The following AGBL1 variants were observed in gnomAD, a reference collection of about 807,000 sequenced individuals.
The protein encoded by AGBL1 is AGBL carboxypeptidase 1, also known as cytosolic carboxypeptidase 4.
Under a neutral mutation model 118.9 loss-of-function variants are expected in AGBL1, and 130 were observed. That is an observed-to-expected ratio of 1.09 (90% confidence interval 0.95 to 1.26). The LOEUF is 1.26. Ranked by LOEUF, AGBL1 falls within the 50% of genes most tolerant of loss-of-function variation. The pLI, the probability that AGBL1 is intolerant of heterozygous loss-of-function variation, is 0.00. For synonymous variants in AGBL1, 555 were observed against 478.9 expected (o/e 1.16, Z -2.08); for missense variants, 1,584 against 1,298.1 (o/e 1.22, Z -3.38).
At chr15:86,485,194 T>C (rs557935541) in intron 18 of AGBL1, among the ~76,000 whole-genome samples, 1 of 152,274 alleles carries the variant, frequency 6.6e-6, no homozygotes, top group South Asian at 2.1e-4. Context: ...TACCTGGAGT[T>C]TGTTAGAAAT....
intron 22 of AGBL1, among the ~76,000 whole-genome samples, chr15:86,874,595 T>C (rs767212931): frequency 3.3e-5 from 5 of 152,122 alleles, no homozygotes; most frequent in Non-Finnish European, 7.4e-5. Context: ...CAGCTGCTAG[T>C]TGAGCACCAG....
At chr15:86,791,483 C>T (rs571816496) in intron 22 of AGBL1, among the ~76,000 whole-genome samples, 1 of 152,036 alleles carries the variant, frequency 6.6e-6, no homozygotes, top group Non-Finnish European at 1.5e-5. Context: ...GGAAAGCTGG[C>T]CACAATGGCC....
At chr15:86,761,681 C>T (rs371889301) in intron 22 of AGBL1, among the ~76,000 whole-genome samples, 2 of 151,872 alleles carry the variant, frequency 1.3e-5, no homozygotes, top group African/African-American at 4.8e-5. Context: ...GGGGTTGTTT[C>T]GTGTTTTAAT....
At chr15:86,898,142 T>C (rs771154219) in intron 22 of AGBL1, among the ~76,000 whole-genome samples, 1 of 152,160 alleles carries the variant, frequency 6.6e-6, no homozygotes, top group Admixed American at 6.5e-5. Flanking sequence ...AGGAAAAAAC[T>C]TCTCCAGAGT....
At chr15:86,937,544 G>C (rs2141647243) in intron 23 of AGBL1, among the ~76,000 whole-genome samples, 1 of 152,272 alleles carries the variant, frequency 6.6e-6, no homozygotes, top group South Asian at 2.1e-4. Flanking sequence ...AATTAAAATA[G>C]GAACAGAAAA....
chr15:86,923,642 C>T (rs1320880640), intron 23 of AGBL1, among the ~76,000 whole-genome samples: 2 of 152,208 alleles, frequency 1.3e-5, no homozygotes, highest in Non-Finnish European at 2.9e-5. Context: ...TCACATGTGA[C>T]TGTCATATCT....
At chr15:86,984,450 C>T (rs555381503) in intron 23 of AGBL1, among the ~76,000 whole-genome samples, 70 of 151,638 alleles carry the variant, frequency 4.6e-4, no homozygotes, top group African/African-American at 1.2e-3. Flanking sequence ...CTGCAACCTC[C>T]GCCCCGCTGG....
intron 6 of AGBL1, among the ~76,000 whole-genome samples, chr15:86,244,041 A>T (rs1423302348): frequency 2.5e-5 from 3 of 118,582 alleles, no homozygotes; most frequent in Admixed American, 2.1e-4. Context: ...ATAAGTAGAT[A>T]GATAGATAGA....
intron 5 of AGBL1, among the ~76,000 whole-genome samples, chr15:86,207,227 T>A (rs1312211968): frequency 2.0e-5 from 3 of 152,246 alleles, no homozygotes; most frequent in Non-Finnish European, 4.4e-5. Flanking sequence ...GTAGTATAGT[T>A]TGAAGTCAGG....
At chr15:86,382,373 A>G (rs1039700329) in intron 17 of AGBL1, among the ~76,000 whole-genome samples, 1 of 152,152 alleles carries the variant, frequency 6.6e-6, no homozygotes, top group African/African-American at 2.4e-5. Context: ...TCAGGCCTAA[A>G]TGTGTCACTA....
intron 22 of AGBL1, among the ~76,000 whole-genome samples, chr15:86,749,100 C>T (rs538532949): frequency 6.6e-6 from 1 of 152,242 alleles, no homozygotes; most frequent in South Asian, 2.1e-4. Flanking sequence ...TTACCTTGGG[C>T]AATATGGCCA....
At chr15:86,454,230 G>A (rs1387107986) in intron 18 of AGBL1, among the ~76,000 whole-genome samples, 2 of 152,152 alleles carry the variant, frequency 1.3e-5, no homozygotes, top group Non-Finnish European at 2.9e-5. Context: ...TCCACATGGA[G>A]TTCCTTCTAC....
intron 22 of AGBL1, among the ~76,000 whole-genome samples, chr15:86,870,615 G>A (rs2079713429): frequency 6.6e-6 from 1 of 151,960 alleles, no homozygotes; most frequent in South Asian, 2.1e-4. Flanking sequence ...TGGGAGCCTT[G>A]AGATTTATTT....
chr15:86,825,115 A>G (rs758311133), intron 22 of AGBL1, among the ~76,000 whole-genome samples: 1 of 151,936 alleles, frequency 6.6e-6, no homozygotes, highest in Non-Finnish European at 1.5e-5. Context: ...TCAGAACTCA[A>G]CCTACGCAAA....
chr15:86,232,218 A>G (rs1223614157), intron 6 of AGBL1, among the ~76,000 whole-genome samples: 1 of 152,240 alleles, frequency 6.6e-6, no homozygotes, highest in Non-Finnish European at 1.5e-5. Context: ...TTTAAGCTAA[A>G]GGGATACTAC....
chr15:87,029,917 G>T (rs1215495823), downstream of AGBL1, among the ~76,000 whole-genome samples: 1 of 151,740 alleles, frequency 6.6e-6, no homozygotes, highest in Non-Finnish European at 1.5e-5. Flanking sequence ...TTCATCCCTT[G>T]ATGGCTCCTA....
At position 86,114,307 on chromosome 15, in the gene AGBL1, T is replaced by TC. The variant is rs574217038; in HGVS notation, c.52-27696dup. ...ACCCTTGGGGGAGGTGAGTCTGCAC[T>TC]CTGCCTTGGCAAGGAGTCCAGAAGG... On this transcript the variant is annotated intron_variant, in intron 1 of 22. Transcript: ENST00000614907. Among the ~76,000 whole-genome samples, 226 of 152,362 alleles carry TC rather than the reference T, an allele frequency of 1.5e-3. 2 individuals are homozygous for TC. Among genetic ancestry groups the TC allele is most frequent in the African/African-American group, 5.3e-3 (220 of 41,584 alleles).
chr15:86,467,038 C>T (rs1457147449), intron 18 of AGBL1, among the ~76,000 whole-genome samples: 1 of 152,232 alleles, frequency 6.6e-6, no homozygotes, highest in African/African-American at 2.4e-5. Flanking sequence ...AACCCGCGTG[C>T]AGGAACATTT....
intron 21 of AGBL1, among the ~76,000 whole-genome samples, chr15:86,601,573 C>T (rs1013360649): frequency 5.3e-5 from 8 of 151,912 alleles, no homozygotes; most frequent in African/African-American, 1.2e-4. Context: ...TAAAAAGATA[C>T]GAGTAAGGTT....
Sources: gnomAD v4.1 joint callset for allele counts (sites outside exome capture counted in the v4.1 genomes callset) on GRCh38, gnomAD v4.1.1 for gene constraint, MANE v1.5 for transcripts, NCBI Gene and HGNC (gene_info 2026-07-23, HGNC 2026-07-21) for gene names.